The following NRXN3 variants were observed in gnomAD, a reference collection of about 807,000 sequenced individuals.
NRXN3 encodes neurexin 3, also known as neurexin III.
NRXN3 carries 32 observed loss-of-function variants against 137.6 expected under a neutral mutation model. The observed-to-expected ratio is 0.23, with a 90% CI of 0.18 to 0.31. NRXN3 has a LOEUF of 0.31. Among genes scored for constraint, NRXN3 ranks in the 10% least tolerant of loss-of-function variants. NRXN3 has a pLI of 1.00. For synonymous variants in NRXN3, 798 were observed against 784.5 expected (o/e 1.02, Z -0.29); for missense variants, 1,574 against 2,062.5 (o/e 0.76, Z 4.59).
chr14:78,787,593 C>A (rs1417717408), intron 8 of NRXN3, among the ~76,000 whole-genome samples: 2 of 152,104 alleles, frequency 1.3e-5, no homozygotes, highest in Non-Finnish European at 2.9e-5. Flanking sequence ...TTTTACTAAC[C>A]AGTTATTGTC....
intron 1 of NRXN3, among the ~76,000 whole-genome samples, chr14:78,232,001 C>T (rs1375549313): frequency 6.6e-6 from 1 of 152,264 alleles, no homozygotes; most frequent in South Asian, 2.1e-4. Context: ...GGCTCCCAGG[C>T]TCAGCCTTCA....
intron 8 of NRXN3, among the ~76,000 whole-genome samples, chr14:78,789,780 TTC>T (rs1190463476): frequency 6.6e-6 from 1 of 152,154 alleles, no homozygotes; most frequent in Non-Finnish European, 1.5e-5. Context: ...CTTCCCACTC[TTC>T]TCTTTGCTCT....
At chr14:78,920,135 T>A (rs1311356570) in intron 10 of NRXN3, among the ~76,000 whole-genome samples, 3 of 152,176 alleles carry the variant, frequency 2.0e-5, no homozygotes, top group Non-Finnish European at 4.4e-5. Context: ...CTATCTTTGG[T>A]GTACCTGGAG....
intron 15 of NRXN3, among the ~76,000 whole-genome samples, chr14:79,007,805 CAAAAAAAAA>C (rs1160867331): frequency 2.6e-5 from 1 of 37,992 alleles, no homozygotes; most frequent in South Asian, 1.0e-3. Flanking sequence ...GACTCCATCT[CAAAAAAAAA>C]AAAAAAAAAA....
chr14:79,786,426 G>A (rs1031820200), intron 19 of NRXN3, among the ~76,000 whole-genome samples: 2 of 152,180 alleles, frequency 1.3e-5, no homozygotes, highest in East Asian at 1.9e-4. Flanking sequence ...TATGTGTGCC[G>A]AGCAATTGGA....
chr14:79,505,498 C>T (rs10134623), intron 16 of NRXN3, among the ~76,000 whole-genome samples: 5,511 of 152,192 alleles, frequency 0.036, 309 homozygotes, highest in African/African-American at 0.12. Flanking sequence ...AAGTAGTCCA[C>T]ATTAATTCAG....
chr14:79,137,530 G>C (rs1048070288), intron 15 of NRXN3, among the ~76,000 whole-genome samples: 1 of 152,172 alleles, frequency 6.6e-6, no homozygotes, highest in Non-Finnish European at 1.5e-5. Context: ...CACTTGTAAA[G>C]AGTGAGTAAT....
chr14:78,546,578 G>C (rs2096638647), intron 4 of NRXN3, among the ~76,000 whole-genome samples: 1 of 151,974 alleles, frequency 6.6e-6, no homozygotes, highest in Non-Finnish European at 1.5e-5. Flanking sequence ...CCTTTAAAAA[G>C]TGTGTTTAGT....
chr14:78,333,388 G>C (rs2081067701), intron 4 of NRXN3, among the ~76,000 whole-genome samples: 1 of 152,168 alleles, frequency 6.6e-6, no homozygotes, highest in Non-Finnish European at 1.5e-5. Flanking sequence ...AGGAATTGAG[G>C]ATGTATCAGA....
At chr14:78,182,119 G>A (rs1227703413) in intron 1 of NRXN3, among the ~76,000 whole-genome samples, 1 of 141,490 alleles carries the variant, frequency 7.1e-6, no homozygotes, top group African/African-American at 2.6e-5. Flanking sequence ...ATGGGGCCGG[G>A]GGGGACAATG....
chr14:79,221,508 T>A (rs894842066), intron 15 of NRXN3, among the ~76,000 whole-genome samples: 1 of 151,850 alleles, frequency 6.6e-6, no homozygotes, highest in African/African-American at 2.4e-5. Context: ...TGACCAGTGA[T>A]GATGAGCATT....
intron 4 of NRXN3, among the ~76,000 whole-genome samples, chr14:78,337,442 A>G (rs2081603204): frequency 6.6e-6 from 1 of 152,194 alleles, no homozygotes; most frequent in South Asian, 2.1e-4. Flanking sequence ...GAGAAAAGGA[A>G]GGTAATGGGA....
At chr14:78,301,447 G>A (rs1030806171) in intron 4 of NRXN3, among the ~76,000 whole-genome samples, 4 of 152,194 alleles carry the variant, frequency 2.6e-5, no homozygotes, top group South Asian at 2.1e-4. Flanking sequence ...ACACCTTTGG[G>A]TAACGCATCC....
intron 4 of NRXN3, among the ~76,000 whole-genome samples, chr14:78,393,185 T>G (rs932965861): frequency 6.8e-6 from 1 of 146,582 alleles, no homozygotes; most frequent in African/African-American, 2.6e-5. Flanking sequence ...TACATGTGAT[T>G]TTTTTTTTTT....
At chr14:78,978,040 G>T (rs117995883) in intron 14 of NRXN3, among the ~76,000 whole-genome samples, 38 of 152,240 alleles carry the variant, frequency 2.5e-4, no homozygotes, top group African/African-American at 8.4e-4. Context: ...TATACCCAAC[G>T]TATTATGAGA....
Position 78,555,124 on chromosome 14 carries a change from G to A in NRXN3, c.758-89996G>A, listed in dbSNP as rs144485656. Among the ~76,000 whole-genome samples, 614 of 152,154 alleles carry A rather than the reference G, an allele frequency of 4.0e-3. 3 individuals are homozygous for A. Among genetic ancestry groups the A allele is most frequent in the African/African-American group, 0.014 (573 of 41,516 alleles). Reference sequence around the variant, plus strand: ...GAGATCACTAATGGCATTCACTAACGGATGGTTGTGAGAGTTAATGAGGTA... The same window carrying A: ...GAGATCACTAATGGCATTCACTAACAGATGGTTGTGAGAGTTAATGAGGTA... On this transcript the variant is annotated intron_variant, in intron 4 of 20. Transcript: ENST00000335750.
chr14:78,535,503 G>A (rs2096526796), intron 4 of NRXN3, among the ~76,000 whole-genome samples: 1 of 152,180 alleles, frequency 6.6e-6, no homozygotes, highest in African/African-American at 2.4e-5. Context: ...AGCTACTTAA[G>A]TATTCCAAGA....
At chr14:78,589,046 A>T (rs771332499) in intron 4 of NRXN3, among the ~76,000 whole-genome samples, 1 of 152,174 alleles carries the variant, frequency 6.6e-6, no homozygotes, top group Admixed American at 6.6e-5. Context: ...AATCTGGTGC[A>T]TTCTGAGATG....
intron 15 of NRXN3, among the ~76,000 whole-genome samples, chr14:79,304,458 T>C (rs1264589651): frequency 6.6e-6 from 1 of 152,044 alleles, no homozygotes; most frequent in Admixed American, 6.6e-5. Context: ...TTAGAGTTCA[T>C]TTGAGCAAAC....
Sources: allele counts gnomAD v4.1 joint callset (sites outside exome capture counted in the v4.1 genomes callset), GRCh38; gene constraint gnomAD v4.1.1; transcripts MANE v1.5; gene names NCBI Gene and HGNC (gene_info 2026-07-23, HGNC 2026-07-21).